Variants in CHRM5 observed in about 807,000 individuals in gnomAD.
The protein encoded by CHRM5 is cholinergic receptor muscarinic 5.
CHRM5 carries 18 observed loss-of-function variants against 39.0 expected under a neutral mutation model. That is an observed-to-expected ratio of 0.46 (90% CI 0.32 to 0.68). CHRM5 has a LOEUF of 0.68. CHRM5 is among the 30% of genes least tolerant of loss of function. The pLI is 0.04. For missense variants in CHRM5, 515 were observed against 651.1 expected, an observed-to-expected ratio of 0.79 and a Z score of 2.28; for synonymous variants, 241 against 246.3, an observed-to-expected ratio of 0.98 and a Z score of 0.20.
At chr15:34,031,377 G>A (rs377048973) in intron 1 of CHRM5, among the ~76,000 whole-genome samples, 24 of 152,052 alleles carry the variant, frequency 1.6e-4, no homozygotes, top group Middle Eastern at 3.4e-3. Context: ...GTTTCATCAT[G>A]TTGGTCAGGC....
At chr15:34,029,755 G>A (rs1057074886) in intron 1 of CHRM5, among the ~76,000 whole-genome samples, 1 of 152,104 alleles carries the variant, frequency 6.6e-6, no homozygotes. Flanking sequence ...TCCTTGGAAG[G>A]AATTGAAGTG....
chr15:34,062,859 A>C lies in CHRM5; in HGVS notation c.142A>C (p.Asn48His). ...AVVSLITIVG[N>H]VLVMISFKVN... ...GGTAAGCCTGATCACCATTGTGGGC[A>C]ATGTCTTGGTCATGATCTCCTTCAA... is the stretch of plus-strand genomic sequence containing the variant. Residue 48 changes from asparagine to histidine, a missense_variant, in exon 3 of 3, where the codon AAT becomes CAT. Coordinates refer to ENST00000383263, the MANE Select transcript of CHRM5 (RefSeq NM_012125.4). 1 of 1,614,208 alleles carries C rather than the reference A, an allele frequency of 6.2e-7. No individual in the cohort carries two copies.
intron 1 of CHRM5, among the ~76,000 whole-genome samples, chr15:33,986,582 T>C (rs1486937350): frequency 1.3e-5 from 2 of 152,132 alleles, no homozygotes; most frequent in African/African-American, 4.8e-5. Flanking sequence ...AGTAATATTA[T>C]TAAAGACAAT....
At position 34,021,223 on chromosome 15, in the gene CHRM5, T is replaced by C. The variant is rs183906324; in HGVS notation, c.-407-25317T>C. Among the ~76,000 whole-genome samples the C allele has an allele frequency of 1.5e-3, 221 of 152,206 alleles. 2 individuals carry two copies. The highest frequency in any genetic ancestry group is 5.2e-3 in the African/African-American group (216 of 41,550). Reference sequence around the variant, plus strand: ...TTTTTGGAGATGGAGTTTTGCTCTGTCGCCTCCCAAGTAGCTTAGGCTACA... The same window carrying C: ...TTTTTGGAGATGGAGTTTTGCTCTGCCGCCTCCCAAGTAGCTTAGGCTACA... On this transcript the variant is annotated intron_variant, in intron 1 of 2. Coordinates refer to ENST00000383263, the MANE Select transcript of CHRM5 (RefSeq NM_012125.4).
chr15:34,009,016 A>G (rs558124488), intron 1 of CHRM5, among the ~76,000 whole-genome samples: 1 of 152,006 alleles, frequency 6.6e-6, no homozygotes, highest in Non-Finnish European at 1.5e-5. Context: ...AAAAGGAAAA[A>G]CCAACTCATC....
At position 33,968,694 on chromosome 15, in the gene CHRM5, G is replaced by A. The variant is rs999083606; in HGVS notation, c.-864G>A. The A allele has an allele frequency of 5.3e-5, 8 of 152,250 alleles. No homozygotes were observed. Among genetic ancestry groups the A allele is most frequent in the African/African-American group, 1.7e-4 (7 of 41,572 alleles). The allele number at this position is 152,250 out of a possible 1,614,324, so 9.4% of individuals were successfully genotyped here. A position where few individuals can be genotyped will look rare whatever the true frequency, so the allele number is the denominator to read the frequency against. On this transcript the variant is annotated 5_prime_UTR_variant, in exon 1 of 3. The change creates a new upstream start codon in the 5' untranslated region. Coordinates refer to ENST00000383263, the MANE Select transcript of CHRM5 (RefSeq NM_012125.4). ...TTCGTATGGAGAAAGGAAAGCAAGA[G>A]TGCAAGAACATCCATGCTTCTAGTC...
At chr15:34,044,096 GAA>G (rs769916088) in intron 1 of CHRM5, among the ~76,000 whole-genome samples, 4 of 129,108 alleles carry the variant, frequency 3.1e-5, no homozygotes, top group African/African-American at 1.1e-4. Flanking sequence ...TAAAAAAAAT[GAA>G]AAAAAAAAAA....
At chr15:34,031,168 ATTTTTTT>A (rs34414446) in intron 1 of CHRM5, among the ~76,000 whole-genome samples, 3 of 67,590 alleles carry the variant, frequency 4.4e-5, no homozygotes, top group Non-Finnish European at 7.6e-5. Flanking sequence ...GCTTAGGTTA[ATTTTTTT>A]TTTTTTTTTT....
At chr15:34,023,895 CT>C (rs1256818354) in intron 1 of CHRM5, among the ~76,000 whole-genome samples, 5 of 152,136 alleles carry the variant, frequency 3.3e-5, no homozygotes, top group Admixed American at 1.3e-4. Flanking sequence ...CTCATTCTGG[CT>C]CTTTTTATTG....
At chr15:34,029,309 C>T (rs184987086) in intron 1 of CHRM5, among the ~76,000 whole-genome samples, 8 of 152,124 alleles carry the variant, frequency 5.3e-5, no homozygotes, top group East Asian at 3.9e-4. Context: ...ATGTAAAATA[C>T]GTGCTCATAA....
rs372298301 is a variant in CHRM5 at position 34,064,076 on chromosome 15, C to T, written c.1359C>T (p.Ile453=). 15 of 1,614,096 alleles carry T rather than the reference C, an allele frequency of 9.3e-6. No homozygotes were observed. The highest frequency in any genetic ancestry group is 1.0e-5 in the Non-Finnish European group (12 of 1,180,040). The change falls in exon 3 of 3, where the codon ATC becomes ATT. Residue 453 remains isoleucine (I), a synonymous_variant. Transcript: ENST00000383263. ...TLSAILLAFI[I]TWTPYNIMVL... is the part of the protein sequence containing the mutation. ...GTGCCATTCTCCTGGCCTTCATCAT[C>T]ACATGGACCCCGTATAACATCATGG...
At chr15:34,047,616 C>A (rs486845) in intron 2 of CHRM5, among the ~76,000 whole-genome samples, 24 of 152,148 alleles carry the variant, frequency 1.6e-4, no homozygotes, top group Non-Finnish European at 3.4e-4. Flanking sequence ...ATGACTGTTA[C>A]CTCTGTGGTT....
intron 2 of CHRM5, among the ~76,000 whole-genome samples, chr15:34,050,777 G>A (rs1899901942): frequency 3.3e-5 from 5 of 152,152 alleles, no homozygotes; most frequent in Admixed American, 2.0e-4. Flanking sequence ...ATGGTAAAGG[G>A]TTCAATTCAA....
At chr15:34,036,341 T>C (rs1400299496) in intron 1 of CHRM5, among the ~76,000 whole-genome samples, 1 of 147,216 alleles carries the variant, frequency 6.8e-6, no homozygotes. Flanking sequence ...TCCATTTGTA[T>C]GCAGTGGTCC....
chr15:34,038,715 G>A (rs1457741384), intron 1 of CHRM5: 14 of 1,118,676 alleles, frequency 1.3e-5, no homozygotes, highest in African/African-American at 1.7e-5. Context: ...GCTCTTGACT[G>A]GCGGCCTCGG....
chr15:34,039,921 A>G (rs532803036), intron 1 of CHRM5, among the ~76,000 whole-genome samples: 11 of 152,200 alleles, frequency 7.2e-5, no homozygotes, highest in Non-Finnish European at 2.9e-5. Flanking sequence ...TCTTTCAACC[A>G]AGGAGAAAAC....
intron 1 of CHRM5, among the ~76,000 whole-genome samples, chr15:33,998,964 C>T (rs1278806025): frequency 6.6e-6 from 1 of 152,190 alleles, no homozygotes; most frequent in Non-Finnish European, 1.5e-5. Flanking sequence ...CCAACCCAGG[C>T]CTGGATCCTG....
intron 1 of CHRM5, among the ~76,000 whole-genome samples, chr15:34,024,897 G>A (rs1246307504): frequency 6.6e-6 from 1 of 150,906 alleles, no homozygotes; most frequent in East Asian, 2.0e-4. Context: ...AAGAAAGGTG[G>A]CGAGGCCGGG....
intron 1 of CHRM5, among the ~76,000 whole-genome samples, chr15:34,041,088 T>C (rs1899457139): frequency 6.6e-6 from 1 of 151,916 alleles, no homozygotes; most frequent in Non-Finnish European, 1.5e-5. Context: ...TTTCTCAATG[T>C]TGGCAAATTT....
Sources: gnomAD v4.1 joint callset for allele counts (sites outside exome capture counted in the v4.1 genomes callset) on GRCh38, gnomAD v4.1.1 for gene constraint, MANE v1.5 for transcripts, NCBI Gene and HGNC (gene_info 2026-07-23, HGNC 2026-07-21) for gene names.